Variants in SPTLC2 observed in about 807,000 individuals in gnomAD.
The protein encoded by SPTLC2 is serine palmitoyltransferase long chain base subunit 2.
A neutral mutation model predicts 62.0 loss-of-function variants in SPTLC2; 21 were observed. The ratio of observed to expected loss-of-function variants is 0.34; its 90% confidence interval spans 0.24 to 0.49. The LOEUF is 0.49. Among genes scored for constraint, SPTLC2 ranks in the 20% least tolerant of loss-of-function variants. The probability of loss-of-function intolerance (pLI) is 0.99; values close to 1 mark genes in which losing one functional copy is unlikely to be tolerated. For missense variants in SPTLC2, 511 were observed against 713.0 expected (o/e 0.72, Z 3.23); for synonymous variants, 261 against 261.8 (o/e 1.00, Z 0.03).
At chr14:77,546,740 CTT>C (rs11431131) in intron 9 of SPTLC2, among the ~76,000 whole-genome samples, 18 of 149,256 alleles carry the variant, frequency 1.2e-4, no homozygotes, top group Admixed American at 8.7e-4. Context: ...TGGTAAAACA[CTT>C]TTTTTTTTTG....
intron 3 of SPTLC2, among the ~76,000 whole-genome samples, chr14:77,577,828 A>T (rs553304455): frequency 6.6e-6 from 1 of 152,302 alleles, no homozygotes; most frequent in African/African-American, 2.4e-5. Context: ...TGAACCCAGG[A>T]GGCAGAGCTT....
At chr14:77,580,065 C>A (rs570825759) in intron 2 of SPTLC2, among the ~76,000 whole-genome samples, 1 of 152,228 alleles carries the variant, frequency 6.6e-6, no homozygotes, top group African/African-American at 2.4e-5. Flanking sequence ...CCACATAATT[C>A]CAATTTCAAC....
chr14:77,572,854 C>A (rs1195096035), intron 4 of SPTLC2, among the ~76,000 whole-genome samples: 2 of 152,132 alleles, frequency 1.3e-5, no homozygotes, highest in Non-Finnish European at 2.9e-5. Flanking sequence ...CTCTTTCAGC[C>A]TTGATAGAAT....
intron 9 of SPTLC2, among the ~76,000 whole-genome samples, chr14:77,535,121 T>C (rs1351794209): frequency 6.6e-6 from 1 of 152,110 alleles, no homozygotes; most frequent in Non-Finnish European, 1.5e-5. Context: ...GAGACAGGGT[T>C]TCTCCATGTT....
intron 1 of SPTLC2, among the ~76,000 whole-genome samples, chr14:77,600,937 G>A (rs2079873998): frequency 1.3e-5 from 2 of 152,088 alleles, no homozygotes; most frequent in Admixed American, 6.6e-5. Flanking sequence ...AGCTGAAAAG[G>A]CACTCCTAAC....
In SPTLC2 at chr14:77,578,966, G is replaced by A; in HGVS notation, c.471C>T (p.Asn157=). ...DIMERQSHDY[N]WSFKYTGNII... ...CAACCAAGACTCACTTGAAGGACCA[G>A]TTATAATCATGAGACTGTCTCTCCA... The change falls in exon 3 of 12, where the codon AAC becomes AAT. Residue 157 remains asparagine (N), a synonymous_variant. Transcript: ENST00000216484. 6.2e-7 allele frequency: 1 copy of A among 1,614,046 alleles called. No homozygotes were observed. Among genetic ancestry groups the A allele is most frequent in the South Asian group, 1.1e-5 (1 of 91,082 alleles).
intron 7 of SPTLC2, 104 bp downstream of exon 7, chr14:77,556,937 T>C: frequency 1.1e-6 from 1 of 878,814 alleles, no homozygotes; most frequent in East Asian, 2.5e-5. Flanking sequence ...AAACACTGTC[T>C]CCTTAGTTTC....
rs1187918023 is a variant in SPTLC2 at position 77,593,109 on chromosome 14, A to AAAAAAAATT, written c.327+4068_327+4076dup. ...CAGAGTGAGACTCCATCTCAAAAAA[A>AAAAAAAATT]AAAAAAATTAAAAAAATTAAAAAAT... On this transcript the variant is annotated intron_variant, in intron 2 of 11. Transcript: ENST00000216484. Among the ~76,000 whole-genome samples, 10 of 152,088 alleles carry AAAAAAAATT rather than the reference A, an allele frequency of 6.6e-5. No individual in the cohort carries two copies. The East Asian group carries it at 1.9e-3, about 29-fold the overall frequency.
At chr14:77,589,482 CTTT>C (rs10717655) in intron 2 of SPTLC2, among the ~76,000 whole-genome samples, 11 of 141,306 alleles carry the variant, frequency 7.8e-5, no homozygotes, top group East Asian at 2.0e-4. Flanking sequence ...ATATCTTAAA[CTTT>C]TTTTTTTTTT....
At position 77,507,782 on chromosome 14, in the gene SPTLC2, C is replaced by G. The variant is rs1203369760; in HGVS notation, c.*4502G>C. On this transcript the variant is annotated 3_prime_UTR_variant, in exon 12 of 12. Transcript: ENST00000216484. ...GCAAGTAGCAGGGTATCTGTAGGTTCTGGGACTGAAAAAAAAAATCCCTGT... is the reference window on the plus strand; with the variant it reads ...GCAAGTAGCAGGGTATCTGTAGGTTGTGGGACTGAAAAAAAAAATCCCTGT... 1 of 151,916 alleles carries G rather than the reference C, an allele frequency of 6.6e-6. No homozygotes were observed. Among genetic ancestry groups the G allele is most frequent in the Admixed American group, 6.6e-5 (1 of 15,262 alleles). 9.4% of individuals were successfully genotyped at this position (151,916 alleles called of 1,614,324 possible). A position where few individuals can be genotyped will look rare whatever the true frequency, so the allele number is the denominator to read the frequency against.
At chr14:77,565,240 C>A in intron 5 of SPTLC2, among the ~76,000 whole-genome samples, 1 of 45,176 alleles carries the variant, frequency 2.2e-5, no homozygotes, top group African/African-American at 9.3e-5. Flanking sequence ...AAAACTCCAT[C>A]TCAAAAAAAA....
intron 9 of SPTLC2, among the ~76,000 whole-genome samples, chr14:77,542,484 G>C (rs1386798123): frequency 1.3e-5 from 2 of 152,144 alleles, no homozygotes; most frequent in South Asian, 2.1e-4. Flanking sequence ...ATTTATAAGG[G>C]ACTTCCAGGA....
chr14:77,570,345 AT>A (rs2079674316), intron 5 of SPTLC2, 38 bp downstream of exon 5: 1 of 1,608,894 alleles, frequency 6.2e-7, no homozygotes, highest in African/African-American at 1.3e-5. Context: ...AAAAGAAGAT[AT>A]ACATGAGGGA....
intron 1 of SPTLC2, among the ~76,000 whole-genome samples, chr14:77,605,248 G>A (rs1418367851): frequency 2.0e-5 from 3 of 151,578 alleles, no homozygotes; most frequent in African/African-American, 4.9e-5. Context: ...TGGCCTCAAG[G>A]AATCCTCCCA....
chr14:77,605,816 T>C (rs570524506), intron 1 of SPTLC2, among the ~76,000 whole-genome samples: 1 of 152,340 alleles, frequency 6.6e-6, no homozygotes, highest in Non-Finnish European at 1.5e-5. Context: ...AATCTCACAG[T>C]GCTTAGCAGA....
intron 5 of SPTLC2, among the ~76,000 whole-genome samples, chr14:77,563,366 T>C (rs148719864): frequency 9.9e-4 from 151 of 152,318 alleles, no homozygotes; most frequent in African/African-American, 3.5e-3. Flanking sequence ...TGTCCTGCAG[T>C]TGGCCCTGTG....
intron 9 of SPTLC2, among the ~76,000 whole-genome samples, chr14:77,544,274 T>C (rs2079517070): frequency 6.6e-6 from 1 of 152,114 alleles, no homozygotes; most frequent in Admixed American, 6.6e-5. Context: ...CCTCCCAAAA[T>C]GTTACGATTA....
chr14:77,571,423 C>T (rs1429260045), intron 4 of SPTLC2, among the ~76,000 whole-genome samples: 1 of 150,586 alleles, frequency 6.6e-6, no homozygotes, highest in Non-Finnish European at 1.5e-5. Flanking sequence ...GCAGGAGAAT[C>T]GCTTGAACCT....
intron 9 of SPTLC2, among the ~76,000 whole-genome samples, chr14:77,534,233 TAA>T (rs2079457431): frequency 6.7e-6 from 1 of 148,280 alleles, no homozygotes; most frequent in Non-Finnish European, 1.5e-5. Flanking sequence ...TGCATATCTA[TAA>T]AAAGTCTCAA....
Sources: gnomAD v4.1 joint callset for allele counts (sites outside exome capture counted in the v4.1 genomes callset) on GRCh38, gnomAD v4.1.1 for gene constraint, MANE v1.5 for transcripts, NCBI Gene and HGNC (gene_info 2026-07-23, HGNC 2026-07-21) for gene names.